Variants in MICU2 observed in about 807,000 individuals in gnomAD.
MICU2 encodes mitochondrial calcium uptake 2, also known as calcium uptake protein 2, mitochondrial.
MICU2 carries 64 observed loss-of-function variants against 60.4 expected under a neutral mutation model. The ratio of observed to expected loss-of-function variants is 1.06; its 90% CI spans 0.87 to 1.31. The LOEUF is 1.31. MICU2 is among the 50% of genes most tolerant of loss of function. The pLI is 0.00. For missense variants in MICU2, 569 were observed against 531.0 expected (o/e 1.07, Z -0.70); for synonymous variants, 201 against 175.0 (o/e 1.15, Z -1.17).
chr13:21,603,906 G>A (rs61447777), intron 1 of MICU2, 33 bp downstream of exon 1: 13 of 1,606,118 alleles, frequency 8.1e-6, no homozygotes, highest in Non-Finnish European at 1.1e-5. Context: ...GGAGGAGCTT[G>A]ACTGGGGCTA....
chr13:21,586,026 T>C (rs1213845224), intron 1 of MICU2, among the ~76,000 whole-genome samples: 1 of 152,144 alleles, frequency 6.6e-6, no homozygotes, highest in African/African-American at 2.4e-5. Flanking sequence ...TACAGCAACA[T>C]TAAAAAACCC....
chr13:21,502,342 T>C (rs1886195171), intron 9 of MICU2, among the ~76,000 whole-genome samples: 2 of 152,162 alleles, frequency 1.3e-5, no homozygotes, highest in South Asian at 4.1e-4. Context: ...AAAAATCACT[T>C]GAAACCTCAC....
At chr13:21,534,611 G>A (rs538536837) in intron 4 of MICU2, among the ~76,000 whole-genome samples, 161 of 152,208 alleles carry the variant, frequency 1.1e-3, no homozygotes, top group African/African-American at 3.7e-3. Context: ...TACACAGAAA[G>A]GCTAAAAGTG....
At chr13:21,503,877 G>C (rs970875314) in intron 8 of MICU2, among the ~76,000 whole-genome samples, 1 of 152,102 alleles carries the variant, frequency 6.6e-6, no homozygotes, top group African/African-American at 2.4e-5. Flanking sequence ...TGAAAAGATC[G>C]GTACTATCTG....
At chr13:21,583,652 G>A (rs564942230) in intron 1 of MICU2, among the ~76,000 whole-genome samples, 1 of 152,258 alleles carries the variant, frequency 6.6e-6, no homozygotes, top group Non-Finnish European at 1.5e-5. Flanking sequence ...TGGGGCTCCC[G>A]CTAAAGCAAC....
At chr13:21,532,151 A>G (rs1887016051) in intron 4 of MICU2, among the ~76,000 whole-genome samples, 1 of 152,246 alleles carries the variant, frequency 6.6e-6, no homozygotes, top group Non-Finnish European at 1.5e-5. Flanking sequence ...AGAAGAAACT[A>G]AAGAACATCT....
intron 7 of MICU2, among the ~76,000 whole-genome samples, chr13:21,513,381 T>C (rs1886480747): frequency 6.6e-6 from 1 of 152,134 alleles, no homozygotes; most frequent in South Asian, 2.1e-4. Context: ...AGGTTTTTTG[T>C]AGATGCTCTT....
At chr13:21,494,288 C>A (rs1445040843) in intron 11 of MICU2, among the ~76,000 whole-genome samples, 1 of 152,054 alleles carries the variant, frequency 6.6e-6, no homozygotes, top group Admixed American at 6.6e-5. Flanking sequence ...CTCTCTCTCT[C>A]TCCTTCCTTT....
chr13:21,548,950 G>A (rs9509789), intron 2 of MICU2, among the ~76,000 whole-genome samples: 17,445 of 129,050 alleles, frequency 0.14, 1,269 homozygotes, highest in Middle Eastern at 0.22. Flanking sequence ...TTTTTGGGAC[G>A]GAGTCTCCTT....
chr13:21,530,202 G>A (rs1886954205), intron 4 of MICU2, among the ~76,000 whole-genome samples: 1 of 152,158 alleles, frequency 6.6e-6, no homozygotes, highest in African/African-American at 2.4e-5. Flanking sequence ...TCCTCCCACA[G>A]CCACTGCATG....
chr13:21,577,391 A>G (rs1888249001), intron 1 of MICU2, among the ~76,000 whole-genome samples: 6 of 151,788 alleles, frequency 4.0e-5, no homozygotes, highest in Admixed American at 3.9e-4. Context: ...TTGGTGGCTC[A>G]TGTCTGTAAT....
chr13:21,538,572 A>AAC (rs1555272826), intron 4 of MICU2, among the ~76,000 whole-genome samples: 2 of 151,186 alleles, frequency 1.3e-5, no homozygotes, highest in Non-Finnish European at 3.0e-5. Flanking sequence ...CAAAAAAAAA[A>AAC]AAAAAAAACC....
At position 21,516,917 on chromosome 13, in the gene MICU2, C is replaced by T. The variant is rs1886584405; in HGVS notation, c.598-2499G>A. ...CTAAGGAGCAACCGATACTAGGAAACAGACCTGTCATTAATCTACTGTTTA... is the reference window on the plus strand; with the variant it reads ...CTAAGGAGCAACCGATACTAGGAAATAGACCTGTCATTAATCTACTGTTTA... On this transcript the variant is annotated intron_variant, in intron 6 of 11. Transcript: ENST00000382374. Among the ~76,000 whole-genome samples, 2 of 152,208 alleles carry T rather than the reference C, an allele frequency of 1.3e-5. 1 individual carries two copies. Among genetic ancestry groups the T allele is most frequent in the South Asian group, 4.1e-4 (2 of 4,832 alleles).
intron 6 of MICU2, among the ~76,000 whole-genome samples, chr13:21,516,526 T>A (rs1886574866): frequency 6.6e-6 from 1 of 152,224 alleles, no homozygotes; most frequent in African/African-American, 2.4e-5. Flanking sequence ...GCCACAAACA[T>A]CTTTTACAAC....
intron 8 of MICU2, among the ~76,000 whole-genome samples, chr13:21,507,951 C>A (rs562523838): frequency 6.6e-6 from 1 of 151,398 alleles, no homozygotes; most frequent in Non-Finnish European, 1.5e-5. Flanking sequence ...TTTTTTTTGA[C>A]AGAGTCTCAC....
At chr13:21,568,640 G>T (rs905759782) in intron 1 of MICU2, among the ~76,000 whole-genome samples, 5 of 151,972 alleles carry the variant, frequency 3.3e-5, no homozygotes, top group Non-Finnish European at 7.4e-5. Context: ...AACTAAAAAA[G>T]GTCAGCTACT....
intron 1 of MICU2, among the ~76,000 whole-genome samples, chr13:21,577,736 C>T (rs1239811733): frequency 2.8e-5 from 4 of 142,302 alleles, no homozygotes; most frequent in East Asian, 2.0e-4. Flanking sequence ...ACCCGGGAGA[C>T]AGAGGTTGCA....
At position 21,566,152 on chromosome 13, in the gene MICU2, T is replaced by C. The variant is rs367911235; in HGVS notation, c.358+645A>G. On this transcript the variant is annotated intron_variant, in intron 2 of 11. Transcript: ENST00000382374. ...CAGCCTTTTTGAATTCAATCTATAC[T>C]ACTCTGACTGCTCACCTTGCTCTCA... Among the ~76,000 whole-genome samples, 11 of 152,318 alleles carry C rather than the reference T, an allele frequency of 7.2e-5. No homozygotes were observed. The East Asian group carries it at 1.9e-3, about 27-fold the overall frequency.
chr13:21,587,150 C>T (rs1396620139), intron 1 of MICU2, among the ~76,000 whole-genome samples: 1 of 152,146 alleles, frequency 6.6e-6, no homozygotes, highest in Non-Finnish European at 1.5e-5. Flanking sequence ...TTCAAGGCAC[C>T]AGCTTTCAGG....
Sources: gnomAD v4.1 joint callset for allele counts (sites outside exome capture counted in the v4.1 genomes callset) on GRCh38, gnomAD v4.1.1 for gene constraint, MANE v1.5 for transcripts, NCBI Gene and HGNC (gene_info 2026-07-23, HGNC 2026-07-21) for gene names.